TENM3: variants seen among roughly 807,000 people sequenced by gnomAD.
TENM3 encodes teneurin-3.
A neutral mutation model predicts 255.1 loss-of-function variants in TENM3; 63 were observed. The observed-to-expected ratio is 0.25, with a 90% confidence interval of 0.20 to 0.30. The LOEUF is 0.30. Ranked by LOEUF, TENM3 falls within the 10% of genes least tolerant of loss-of-function variation. The pLI is 1.00. For missense variants in TENM3, 2,929 were observed against 3,461.1 expected (o/e 0.85, Z 3.86); for synonymous variants, 1,306 against 1,322.3 (o/e 0.99, Z 0.27).
At chr4:182,346,073 A>ATACG (rs1323148876) in intron 2 of TENM3, among the ~76,000 whole-genome samples, 1 of 136,204 alleles carries the variant, frequency 7.3e-6, no homozygotes, top group East Asian at 2.0e-4. Flanking sequence ...ACATATATAC[A>ATACG]TACATACATA....
chr4:181,800,787 A>G, the TENM3 span, among the ~76,000 whole-genome samples: 2 of 152,182 alleles, frequency 1.3e-5, no homozygotes, highest in East Asian at 1.9e-4. Context: ...TAAATGAGTT[A>G]TTTATATTAA....
chr4:182,228,358 ATG>A (rs141968345), intron 1 of TENM3, among the ~76,000 whole-genome samples: 3,421 of 109,010 alleles, frequency 0.031, 414 homozygotes, highest in Non-Finnish European at 0.044. Context: ...ATGTAATGTA[ATG>A]TGTGTGTGTG....
chr4:181,490,731 T>C, the TENM3 span, among the ~76,000 whole-genome samples: 1 of 152,208 alleles, frequency 6.6e-6, no homozygotes, highest in Non-Finnish European at 1.5e-5. Flanking sequence ...ATAATTGTTA[T>C]CAGTAATAAC....
At chr4:181,615,668 G>T in the TENM3 span, among the ~76,000 whole-genome samples, 1 of 152,146 alleles carries the variant, frequency 6.6e-6, no homozygotes. Context: ...TCCTACTAAT[G>T]CTTAGAGAGA....
At chr4:181,681,099 G>C in the TENM3 span, among the ~76,000 whole-genome samples, 1 of 151,840 alleles carries the variant, frequency 6.6e-6, no homozygotes, top group Non-Finnish European at 1.5e-5. Flanking sequence ...GATTGTCTAA[G>C]GTAAGCGTAT....
At position 182,671,079 on chromosome 4, in the gene TENM3, C is replaced by G. The variant is rs558399128; in HGVS notation, c.1112-1926C>G. Among the ~76,000 whole-genome samples, 62 of 152,220 alleles carry G rather than the reference C, an allele frequency of 4.1e-4. No homozygotes were observed. The South Asian group carries it at 8.1e-3, about 20-fold the overall frequency. Reference sequence around the variant, plus strand: ...GGCCCTCCACAGACAGATGCCACGTCCCTTCCCAACCTTATCCCGCATCCC... The same window carrying G: ...GGCCCTCCACAGACAGATGCCACGTGCCTTCCCAACCTTATCCCGCATCCC... On this transcript the variant is annotated intron_variant, in intron 6 of 27. Transcript: ENST00000511685.
At chr4:181,482,740 TG>T in the TENM3 span, among the ~76,000 whole-genome samples, 1 of 152,168 alleles carries the variant, frequency 6.6e-6, no homozygotes, top group Non-Finnish European at 1.5e-5. Flanking sequence ...CCACTGCATA[TG>T]TTTTGTCTCT....
At chr4:182,461,140 C>T (rs992135868) in intron 3 of TENM3, among the ~76,000 whole-genome samples, 15 of 152,136 alleles carry the variant, frequency 9.9e-5, no homozygotes, top group African/African-American at 3.1e-4. Flanking sequence ...TTTATAATAT[C>T]TTCATTCACT....
intron 3 of TENM3, among the ~76,000 whole-genome samples, chr4:182,402,949 A>G (rs1769305949): frequency 6.6e-6 from 1 of 152,234 alleles, no homozygotes; most frequent in Non-Finnish European, 1.5e-5. Flanking sequence ...ATATATAACC[A>G]TGATGGAAAT....
the TENM3 span, among the ~76,000 whole-genome samples, chr4:181,553,335 TAC>T: frequency 0.36 from 51,301 of 140,844 alleles, 9,438 homozygotes; most frequent in Non-Finnish European, 0.43. Flanking sequence ...TATATATATA[TAC>T]ACACACACAC....
rs1356745971 is a variant in TENM3, at chr4:182,324,042, C to T, written c.22C>T (p.Pro8Ser). Residue 8 changes from proline to serine, a missense_variant, in exon 2 of 28, where the codon CCT becomes TCT. This residue lies in a region of TENM3 where 283 missense variants were observed against 256.9 expected (regional missense o/e 1.10). Transcript: ENST00000511685. MDVKERR[P>S]YCSLTKSRRE... The stretch of plus-strand genomic sequence containing the variant: ...AAGTATGGATGTGAAAGAACGCAGG[C>T]CTTACTGCTCCCTGACCAAGAGCAG... 4 of 1,613,778 alleles carry T rather than the reference C, an allele frequency of 2.5e-6. No homozygotes were observed. Among genetic ancestry groups the T allele is most frequent in the East Asian group, 2.2e-5 (1 of 44,874 alleles).
At chr4:182,509,627 A>G (rs1443027569) in intron 3 of TENM3, among the ~76,000 whole-genome samples, 2 of 152,180 alleles carry the variant, frequency 1.3e-5, no homozygotes, top group African/African-American at 2.4e-5. Flanking sequence ...ATAGAATTAA[A>G]TCAATGAGGG....
chr4:181,629,927 T>A, the TENM3 span, among the ~76,000 whole-genome samples: 1 of 152,336 alleles, frequency 6.6e-6, no homozygotes, highest in Non-Finnish European at 1.5e-5. Flanking sequence ...AGCTCCTCCT[T>A]GTACCTCTGA....
chr4:182,536,918 CT>C (rs947080807), intron 3 of TENM3, among the ~76,000 whole-genome samples: 1 of 152,116 alleles, frequency 6.6e-6, no homozygotes, highest in African/African-American at 2.4e-5. Context: ...GTCAGGGGTT[CT>C]TTTTTTTCCC....
the TENM3 span, among the ~76,000 whole-genome samples, chr4:181,621,953 T>C: frequency 6.6e-6 from 1 of 152,158 alleles, no homozygotes; most frequent in Non-Finnish European, 1.5e-5. Flanking sequence ...TGTGATACCT[T>C]CCAAGTTAAT....
chr4:182,777,448 G>T (rs1764761530), intron 24 of TENM3, among the ~76,000 whole-genome samples: 2 of 146,544 alleles, frequency 1.4e-5, no homozygotes, highest in African/African-American at 2.5e-5. Flanking sequence ...TCTAACACTA[G>T]AAATAATAGG....
At chr4:181,987,124 C>T in the TENM3 span, among the ~76,000 whole-genome samples, 1 of 152,066 alleles carries the variant, frequency 6.6e-6, no homozygotes, top group Admixed American at 6.6e-5. Context: ...CAAGTGTTTC[C>T]TGTTTTATCC....
intron 3 of TENM3, among the ~76,000 whole-genome samples, chr4:182,520,505 T>A (rs2151777595): frequency 6.6e-6 from 1 of 152,312 alleles, no homozygotes; most frequent in South Asian, 2.1e-4. Flanking sequence ...GAGCACTCAT[T>A]TCTGAATTTT....
At chr4:181,682,062 A>C in the TENM3 span, among the ~76,000 whole-genome samples, 1 of 152,174 alleles carries the variant, frequency 6.6e-6, no homozygotes, top group East Asian at 1.9e-4. Context: ...TGAGCTCTTG[A>C]AACCTGCTAA....
Sources: allele counts gnomAD v4.1 joint callset (sites outside exome capture counted in the v4.1 genomes callset), GRCh38; gene constraint gnomAD v4.1.1; regional missense constraint gnomAD v4.1.1; transcripts MANE v1.5; gene names NCBI Gene and HGNC (gene_info 2026-07-23, HGNC 2026-07-21).